LIMA1: variants seen among roughly 807,000 people sequenced by gnomAD.
LIMA1 encodes the protein LIM domain and actin binding 1.
LIMA1 carries 52 observed loss-of-function variants against 62.6 expected under a neutral mutation model. That is an observed-to-expected ratio of 0.83 (90% CI 0.67 to 1.05). The LOEUF (loss-of-function observed/expected upper bound fraction) is 1.05. LIMA1 is among the 50% of genes least tolerant of loss of function. The pLI is 0.00. For synonymous variants in LIMA1, 302 were observed against 317.8 expected, an observed-to-expected ratio of 0.95 and a Z score of 0.53; for missense variants, 780 against 902.2, an observed-to-expected ratio of 0.86 and a Z score of 1.74.
intron 1 of LIMA1, among the ~76,000 whole-genome samples, chr12:50,273,980 T>C (rs746792503): frequency 1.3e-5 from 2 of 152,130 alleles, no homozygotes; most frequent in Admixed American, 6.6e-5. Context: ...AGGAAAATAG[T>C]GGCCTGGATC....
chr12:50,232,425 A>C (rs1389536840), intron 2 of LIMA1, among the ~76,000 whole-genome samples: 1 of 147,870 alleles, frequency 6.8e-6, no homozygotes, highest in Non-Finnish European at 1.5e-5. Context: ...GCTGAAGTTC[A>C]GTAGCGTGAT....
intron 2 of LIMA1, among the ~76,000 whole-genome samples, chr12:50,236,384 G>C (rs1941694693): frequency 6.9e-6 from 1 of 145,908 alleles, no homozygotes; most frequent in East Asian, 2.1e-4. Flanking sequence ...TGCAACGTCT[G>C]CCTCCCAGGT....
intron 6 of LIMA1, among the ~76,000 whole-genome samples, chr12:50,203,150 C>A (rs960175838): frequency 6.6e-5 from 10 of 151,192 alleles, no homozygotes; most frequent in Non-Finnish European, 1.2e-4. Flanking sequence ...GCTGGGATTA[C>A]AGGTGTGTGC....
chr12:50,265,280 G>A (rs1452097192), intron 1 of LIMA1, among the ~76,000 whole-genome samples: 2 of 152,178 alleles, frequency 1.3e-5, no homozygotes, highest in Admixed American at 1.3e-4. Flanking sequence ...CAGCACTTTG[G>A]GAGGCCAAGG....
chr12:50,206,814 A>G (rs1941162006), intron 4 of LIMA1, among the ~76,000 whole-genome samples: 1 of 152,166 alleles, frequency 6.6e-6, no homozygotes, highest in Non-Finnish European at 1.5e-5. Flanking sequence ...TTCTCAAGGT[A>G]CCTGGTCAAA....
chr12:50,201,026 A>G (rs2138469355), intron 6 of LIMA1, 142 bp from the exon 7 acceptor site: 2 of 1,435,148 alleles, frequency 1.4e-6, no homozygotes, highest in Non-Finnish European at 9.1e-7. Context: ...AACTCTCACA[A>G]GCAAAACCCA....
At position 50,222,328 on chromosome 12, in the gene LIMA1, A is replaced by T; in HGVS notation, c.323T>A (p.Val108Glu). The T allele has an allele frequency of 1.2e-6, 2 of 1,614,078 alleles. No individual in the cohort carries two copies. The highest frequency in any genetic ancestry group is 1.3e-5 in the African/African-American group (1 of 75,006). Residue 108 changes from valine (V) to glutamate (E), a missense_variant, in exon 4 of 11, where the codon GTG becomes GAG. Physicochemically the swap from Val to Glu is moderately radical, Grantham distance 121 (BLOSUM62 -2). Transcript: ENST00000341247. Reference sequence around the variant, plus strand: ...GGCTCCAGAAGCAGCGTGGCTTGTCACTTCAGCAGGAGGATGGTCTGCTCT... The same window carrying T: ...GGCTCCAGAAGCAGCGTGGCTTGTCTCTTCAGCAGGAGGATGGTCTGCTCT... Reference protein sequence around the residue: ...RHRADHPPAEVTSHAASGAKA... With the variant: ...RHRADHPPAEETSHAASGAKA...
chr12:50,264,540 T>C (rs754778423), intron 1 of LIMA1, among the ~76,000 whole-genome samples: 1 of 152,230 alleles, frequency 6.6e-6, no homozygotes, highest in Non-Finnish European at 1.5e-5. Flanking sequence ...AAATAGCAGC[T>C]GGTTCCAATT....
chr12:50,263,826 T>G (rs113968400), intron 1 of LIMA1, among the ~76,000 whole-genome samples: 3,603 of 121,856 alleles, frequency 0.03, 101 homozygotes, highest in African/African-American at 0.072. Flanking sequence ...TATATATATA[T>G]AGAGAGAGTA....
rs373603090 is a variant in LIMA1, at chr12:50,215,464, TTTTA to T, written c.630+6553_630+6556del. 7.6e-3 allele frequency among the ~76,000 whole-genome samples: 1,156 copies of T among 152,130 alleles called. 11 individuals are homozygous for T. Among genetic ancestry groups the T allele is most frequent in the African/African-American group, 0.026 (1,075 of 41,496 alleles). On this transcript the variant is annotated intron_variant, in intron 4 of 10. Transcript: ENST00000341247. Reference sequence around the variant, plus strand: ...TTACCTGAATATATTGCTTTATTTATTTTATTTATTTATTTATTTTTCTTTGAGG... The same window carrying T: ...TTACCTGAATATATTGCTTTATTTATTTTATTTATTTATTTTTCTTTGAGG...
At chr12:50,205,297 T>C (rs2138487353) in intron 5 of LIMA1, among the ~76,000 whole-genome samples, 1 of 151,252 alleles carries the variant, frequency 6.6e-6, no homozygotes, top group African/African-American at 2.4e-5. Context: ...GGTCTCAAAC[T>C]CCTGGATTTA....
At chr12:50,189,331 T>A (rs1027737723) in intron 9 of LIMA1, 3 of 152,232 alleles carry the variant, frequency 2.0e-5, no homozygotes, top group African/African-American at 7.2e-5. Context: ...CTCCTCTTCA[T>A]ACTTTGTGTG....
intron 4 of LIMA1, among the ~76,000 whole-genome samples, chr12:50,210,698 T>A (rs1195734463): frequency 3.3e-5 from 5 of 152,216 alleles, no homozygotes; most frequent in Non-Finnish European, 7.3e-5. Context: ...TTTAAACGCA[T>A]AAAATTTCCC....
chr12:50,237,592 A>T (rs1260512683), intron 2 of LIMA1, among the ~76,000 whole-genome samples: 2 of 152,056 alleles, frequency 1.3e-5, no homozygotes, highest in African/African-American at 4.8e-5. Context: ...AGCTGAGATC[A>T]CACCACCGCA....
chr12:50,191,165 A>AG (rs1472342088), intron 9 of LIMA1, among the ~76,000 whole-genome samples: 6 of 150,898 alleles, frequency 4.0e-5, no homozygotes, highest in African/African-American at 1.5e-4. Flanking sequence ...TCTGCAGATT[A>AG]GGAAGCCATT....
At chr12:50,178,541 A>AG (rs2138369115) in intron 10 of LIMA1, among the ~76,000 whole-genome samples, 1 of 152,032 alleles carries the variant, frequency 6.6e-6, no homozygotes, top group East Asian at 1.9e-4. Flanking sequence ...AAAAAAAAAA[A>AG]AAAAGAAAAA....
Position 50,193,003 on chromosome 12 carries a change from T to C in LIMA1, c.1031-442A>G, listed in dbSNP as rs200137818. Among the ~76,000 whole-genome samples the C allele has an allele frequency of 3.9e-3, 412 of 105,434 alleles. 2 individuals are homozygous for C. Among genetic ancestry groups the C allele is most frequent in the Non-Finnish European group, 6.4e-3 (331 of 52,106 alleles). 69.2% of individuals were successfully genotyped at this position (105,434 alleles called of 152,430 possible). On this transcript the variant is annotated intron_variant, in intron 8 of 10. Coordinates refer to ENST00000341247, the MANE Select transcript of LIMA1 (RefSeq NM_016357.5). The stretch of plus-strand genomic sequence containing the variant: ...CTGTGTGTGTGTGTGTGTGTGTGTG[T>C]GCGCGCGTGCGCGCATTTGTGTATA...
At chr12:50,255,510 A>G (rs549635668) in intron 1 of LIMA1, among the ~76,000 whole-genome samples, 24 of 150,236 alleles carry the variant, frequency 1.6e-4, no homozygotes, top group Non-Finnish European at 3.3e-4. Flanking sequence ...CCGTGATCAC[A>G]CCACTGTACT....
chr12:50,204,538 T>C lies in LIMA1; in HGVS notation c.864+14A>G, dbSNP rs1195515934. 1 of 1,610,798 alleles carries C rather than the reference T, an allele frequency of 6.2e-7. No individual in the cohort carries two copies. Among genetic ancestry groups the C allele is most frequent in the Non-Finnish European group, 8.5e-7 (1 of 1,178,000 alleles). ...ATGGAATGAATGAATGAATGAATGA[T>C]GCAGAACACATACTGTATAGTTGGT... is the stretch of plus-strand genomic sequence containing the variant. On this transcript the variant is annotated intron_variant, in intron 6 of 10. Coordinates refer to ENST00000341247, the MANE Select transcript of LIMA1 (RefSeq NM_016357.5).
Sources: gnomAD v4.1 joint callset for allele counts (sites outside exome capture counted in the v4.1 genomes callset) on GRCh38, gnomAD v4.1.1 for gene constraint, MANE v1.5 for transcripts, NCBI Gene and HGNC (gene_info 2026-07-23, HGNC 2026-07-21) for gene names.